GRM1: variants seen among roughly 807,000 people sequenced by gnomAD.
The protein encoded by GRM1 is metabotropic glutamate receptor 1.
GRM1 carries 33 observed loss-of-function variants against 90.9 expected under a neutral mutation model. The observed-to-expected ratio is 0.36, with a 90% CI of 0.28 to 0.49. The LOEUF (loss-of-function observed/expected upper bound fraction) is 0.49. Ranked by LOEUF, GRM1 falls within the 20% of genes least tolerant of loss-of-function variation. The pLI is 0.99. For missense variants in GRM1, 1,190 were observed against 1,534.3 expected, an observed-to-expected ratio of 0.78 and a Z score of 3.75; for synonymous variants, 700 against 613.2, an observed-to-expected ratio of 1.14 and a Z score of -2.09.
Position 146,267,674 on chromosome 6 carries a change from T to TC in GRM1, c.951-36937_951-36936insC, listed in dbSNP as rs1562568595. On this transcript the variant is annotated intron_variant, in intron 2 of 7. Coordinates refer to ENST00000282753, the MANE Select transcript of GRM1 (RefSeq NM_001278064.2). ...TGGGCTGGGCTGGGCTGGGCTGGGC[T>TC]GGGCTGGGCTCGGCTCGGCTCGGCT... is the stretch of plus-strand genomic sequence containing the variant. 1.1e-3 allele frequency among the ~76,000 whole-genome samples: 106 copies of TC among 96,804 alleles called. 3 individuals carry two copies. Among genetic ancestry groups the TC allele is most frequent in the African/African-American group, 3.1e-3 (36 of 11,704 alleles). 63.5% of individuals were successfully genotyped at this position (96,804 alleles called of 152,430 possible). A position where few individuals can be genotyped will look rare whatever the true frequency, so the allele number is the denominator to read the frequency against.
At chr6:146,178,053 A>T (rs1424428795) in intron 2 of GRM1, among the ~76,000 whole-genome samples, 6 of 152,148 alleles carry the variant, frequency 3.9e-5, no homozygotes, top group Admixed American at 1.3e-4. Context: ...ATCAATATTG[A>T]TACTGCATTA....
chr6:146,040,924 T>C (rs1365600489), intron 1 of GRM1, among the ~76,000 whole-genome samples: 1 of 151,978 alleles, frequency 6.6e-6, no homozygotes, highest in Non-Finnish European at 1.5e-5. Flanking sequence ...AGAGGCATTC[T>C]TTATTCCTTT....
chr6:146,047,483 G>A (rs1040806320), intron 1 of GRM1, among the ~76,000 whole-genome samples: 6 of 151,650 alleles, frequency 4.0e-5, no homozygotes, highest in Non-Finnish European at 7.4e-5. Context: ...CAGCCTCTGT[G>A]GACATGTGGC....
chr6:146,406,690 C>A (rs936280407), intron 7 of GRM1, among the ~76,000 whole-genome samples: 2 of 151,974 alleles, frequency 1.3e-5, no homozygotes, highest in African/African-American at 2.4e-5. Context: ...TAAAATTAGC[C>A]AGGCGTGGTG....
chr6:146,379,349 A>C (rs1459013825), intron 5 of GRM1, among the ~76,000 whole-genome samples: 1 of 152,118 alleles, frequency 6.6e-6, no homozygotes, highest in African/African-American at 2.4e-5. Flanking sequence ...TGCTTGATCC[A>C]TTCTGCATTA....
Position 146,434,897 on chromosome 6 carries a change from T to C in GRM1, c.*101T>C. ...AGGAAAAGCCTGGGAGTGGGGGGCC[T>C]CGTCGGGAGGACAGGAGACCGCTGC... is the stretch of plus-strand genomic sequence containing the variant. On this transcript the variant is annotated 3_prime_UTR_variant, in exon 8 of 8. Coordinates refer to ENST00000282753, the MANE Select transcript of GRM1 (RefSeq NM_001278064.2). The C allele has an allele frequency of 9.8e-7, 1 of 1,022,512 alleles. No homozygotes were observed. The highest frequency in any genetic ancestry group is 1.5e-6 in the Non-Finnish European group (1 of 668,034). The allele number at this position is 1,022,512 out of a possible 1,614,324, so 63.3% of individuals were successfully genotyped here.
intron 1 of GRM1, among the ~76,000 whole-genome samples, chr6:146,087,893 T>A (rs931942998): frequency 2.0e-5 from 3 of 152,192 alleles, no homozygotes; most frequent in African/African-American, 7.2e-5. Context: ...TGTAAAGTTG[T>A]TATGGACATT....
At chr6:146,105,942 T>G (rs116711861) in intron 1 of GRM1, among the ~76,000 whole-genome samples, 161 of 152,292 alleles carry the variant, frequency 1.1e-3, no homozygotes, top group African/African-American at 3.8e-3. Context: ...CTCAGTCTAG[T>G]GATAATTCCA....
At chr6:146,058,607 A>G (rs368400595) in intron 1 of GRM1, among the ~76,000 whole-genome samples, 31 of 152,280 alleles carry the variant, frequency 2.0e-4, no homozygotes, top group African/African-American at 2.4e-4. Context: ...TAAGACAACA[A>G]TAAAGTTTGC....
At chr6:146,150,888 A>G (rs936660493) in intron 1 of GRM1, among the ~76,000 whole-genome samples, 4 of 151,824 alleles carry the variant, frequency 2.6e-5, no homozygotes, top group Non-Finnish European at 5.9e-5. Context: ...AGGTTTCACT[A>G]TTTATTGGCT....
chr6:146,333,980 G>T (rs1784674803), intron 3 of GRM1, among the ~76,000 whole-genome samples: 1 of 152,134 alleles, frequency 6.6e-6, no homozygotes, highest in Non-Finnish European at 1.5e-5. Flanking sequence ...CCTACCCTGG[G>T]ACCTGCCCAT....
intron 1 of GRM1, among the ~76,000 whole-genome samples, chr6:146,062,492 CAATAAAATAA>C (rs55760038): frequency 0.043 from 6,257 of 145,686 alleles, 471 homozygotes; most frequent in African/African-American, 0.15. Context: ...TAAAGTATAA[CAATAAAATAA>C]AATAAAATAA....
At chr6:146,365,270 G>A (rs930382396) in intron 5 of GRM1, 2 of 152,100 alleles carry the variant, frequency 1.3e-5, no homozygotes, top group Non-Finnish European at 2.9e-5. Context: ...TTGAATGAGG[G>A]GGAAACTTTG....
chr6:146,188,833 G>A (rs990302890), intron 2 of GRM1, among the ~76,000 whole-genome samples: 1 of 152,134 alleles, frequency 6.6e-6, no homozygotes, highest in African/African-American at 2.4e-5. Flanking sequence ...TCTAGAACTT[G>A]CTGCCTCACT....
chr6:146,135,821 G>T (rs1288320384), intron 1 of GRM1, among the ~76,000 whole-genome samples: 2 of 151,974 alleles, frequency 1.3e-5, no homozygotes, highest in Admixed American at 1.3e-4. Context: ...TTTAAAATGT[G>T]CAATTAAATT....
At position 146,088,089 on chromosome 6, in the gene GRM1, C is replaced by G. The variant is rs9403769; in HGVS notation, c.700+57872C>G. 4.6e-3 allele frequency among the ~76,000 whole-genome samples: 693 copies of G among 152,220 alleles called. 28 individuals carry two copies. The East Asian group carries it at 0.082, about 18-fold the overall frequency. On this transcript the variant is annotated intron_variant, in intron 1 of 7. Coordinates refer to ENST00000282753, the MANE Select transcript of GRM1 (RefSeq NM_001278064.2). ...ATGAATGATACGTTTTCTCTACATCCTACCAGCATTGGTTCTGTCACTATT... is the reference window on the plus strand; with the variant it reads ...ATGAATGATACGTTTTCTCTACATCGTACCAGCATTGGTTCTGTCACTATT...
intron 5 of GRM1, among the ~76,000 whole-genome samples, chr6:146,382,382 A>C (rs865831829): frequency 6.6e-6 from 1 of 152,054 alleles, no homozygotes; most frequent in South Asian, 2.1e-4. Context: ...TTTGTAAAAC[A>C]ATTAGAGGAC....
intron 1 of GRM1, among the ~76,000 whole-genome samples, chr6:146,127,613 G>A (rs76042117): frequency 0.037 from 5,637 of 152,202 alleles, 177 homozygotes; most frequent in South Asian, 0.15. Context: ...GGGCATTCTT[G>A]AGTGAGACAA....
intron 2 of GRM1, among the ~76,000 whole-genome samples, chr6:146,183,264 A>G (rs1257041403): frequency 2.0e-5 from 3 of 152,214 alleles, no homozygotes; most frequent in Admixed American, 2.0e-4. Context: ...TCCTGTTGAC[A>G]AGAACTTTGT....
Sources: gnomAD v4.1 joint callset for allele counts (sites outside exome capture counted in the v4.1 genomes callset) on GRCh38, gnomAD v4.1.1 for gene constraint, MANE v1.5 for transcripts, NCBI Gene and HGNC (gene_info 2026-07-23, HGNC 2026-07-21) for gene names.